The following PCDHGC5 variants were observed in gnomAD, a reference collection of about 807,000 sequenced individuals.
PCDHGC5 encodes the protein protocadherin gamma-C5.
PCDHGC5 carries 25 observed loss-of-function variants against 59.0 expected under a neutral mutation model. The observed-to-expected ratio is 0.42, with a 90% CI of 0.31 to 0.59. PCDHGC5 has a LOEUF of 0.59. Among genes scored for constraint, PCDHGC5 ranks in the 20% least tolerant of loss-of-function variants. The pLI, the probability that PCDHGC5 is intolerant of heterozygous loss-of-function variation, is 0.13. For missense variants in PCDHGC5, 1,067 were observed against 1,206.4 expected (o/e 0.88, Z 1.71); for synonymous variants, 434 against 505.5 (o/e 0.86, Z 1.90).
Position 141,511,843 on chromosome 5 carries a change from GT to G in PCDHGC5, c.*674del, listed in dbSNP as rs1413398495. On this transcript the variant is annotated 3_prime_UTR_variant, in exon 4 of 4. Coordinates refer to ENST00000252087, the MANE Select transcript of PCDHGC5 (RefSeq NM_018929.3). ...CCAACGCCCTGGGGACCAGTCTTCT[GT>G]TTTGTTTTTCATTGTTTGACGTTTC... 1 of 156,550 alleles carries G rather than the reference GT, an allele frequency of 6.4e-6. No individual in the cohort carries two copies. The highest frequency in any genetic ancestry group is 2.4e-5 in the African/African-American group (1 of 41,452). The allele number at this position is 156,550 out of a possible 1,614,324, so 9.7% of individuals were successfully genotyped here. A position where few individuals can be genotyped will look rare whatever the true frequency, so the allele number is the denominator to read the frequency against.
chr5:141,489,335 G>T lies in PCDHGC5; in HGVS notation c.95G>T (p.Arg32Leu). The change falls in exon 1 of 4, where the codon CGT becomes CTT. Residue 32 changes from arginine (R) to leucine (L), a missense_variant. Arg to Leu is a moderately radical substitution (Grantham distance 102, BLOSUM62 -2). Transcript: ENST00000252087. This position sits in a 1 kb window ranked among gnomAD's most constrained non-coding sequence, Gnocchi z 4.5. ...TGGGGCTGGGTGTCTGGGCAGCTTC[G>T]TTACTCAGTGGTGGAGGAGTCTGAG... The part of the protein sequence containing the change: ...CCWGWVSGQL[R>L]YSVVEESEPG... 1.2e-6 allele frequency: 2 copies of T among 1,607,364 alleles called. No individual in the cohort carries two copies. The highest frequency in any genetic ancestry group is 1.7e-6 in the Non-Finnish European group (2 of 1,175,842).
chr5:141,504,130 C>T (rs1334901812), intron 2 of PCDHGC5, among the ~76,000 whole-genome samples: 1 of 152,154 alleles, frequency 6.6e-6, no homozygotes, highest in African/African-American at 2.4e-5. Flanking sequence ...TGTTTCCCGC[C>T]AACACTCCCC....
intron 3 of PCDHGC5, among the ~76,000 whole-genome samples, chr5:141,510,227 C>T (rs1010123412): frequency 1.3e-5 from 2 of 150,454 alleles, no homozygotes; most frequent in African/African-American, 2.5e-5. Context: ...GAGCCGGGAT[C>T]GCGCCACTGC....
chr5:141,490,726 AATCAGG>A lies in PCDHGC5; in HGVS notation c.1487_1492del (p.Asn496_Val498delinsIle). The A allele has an allele frequency of 6.2e-7, 1 of 1,614,202 alleles. No homozygotes were observed. The highest frequency in any genetic ancestry group is 8.5e-7 in the Non-Finnish European group (1 of 1,180,032). On this transcript the variant is annotated inframe_deletion, in exon 1 of 4. Transcript: ENST00000252087. This position sits in a 1 kb window ranked among gnomAD's most constrained non-coding sequence, Gnocchi z 5.4. Reference sequence around the variant, plus strand: ...CCGCCTCACCTACTCCATTGTAGGAAATCAGGTTCAGGGAGCCCCAGCCTCCTCCTT... The same window carrying A: ...CCGCCTCACCTACTCCATTGTAGGAATTCAGGGAGCCCCAGCCTCCTCCTT...
At chr5:141,504,378 C>T (rs2099837786) in intron 2 of PCDHGC5, among the ~76,000 whole-genome samples, 1 of 152,052 alleles carries the variant, frequency 6.6e-6, no homozygotes, top group Non-Finnish European at 1.5e-5. Flanking sequence ...CAGGTGGAGT[C>T]GCTGCCTCAC....
Position 141,490,826 on chromosome 5 carries a change from T to A in PCDHGC5, c.1586T>A (p.Met529Lys), listed in dbSNP as rs1195265146. ...QRTFDYELLQ[M>K]LQIVVGVRDS... ...ACCTTTGACTATGAATTGCTGCAGA[T>A]GCTGCAGATTGTGGTGGGGGTTCGA... The change falls in exon 1 of 4, where the codon ATG becomes AAG. Residue 529 changes from methionine (M) to lysine (K), a missense_variant. Met to Lys is a moderately conservative substitution (Grantham distance 95). Coordinates refer to ENST00000252087, the MANE Select transcript of PCDHGC5 (RefSeq NM_018929.3). The surrounding 1 kb of genome is among the most constrained non-coding windows in gnomAD (Gnocchi z 5.4). 6.2e-7 allele frequency: 1 copy of A among 1,613,736 alleles called. No homozygotes were observed. The highest frequency in any genetic ancestry group is 8.5e-7 in the Non-Finnish European group (1 of 1,179,796).
intron 2 of PCDHGC5, among the ~76,000 whole-genome samples, chr5:141,504,253 G>A (rs1036263329): frequency 6.6e-6 from 1 of 152,100 alleles, no homozygotes; most frequent in Non-Finnish European, 1.5e-5. Context: ...TTCTTCTTAT[G>A]GTTTAGTATT....
intron 2 of PCDHGC5, among the ~76,000 whole-genome samples, chr5:141,496,103 C>T (rs779317844): frequency 2.0e-5 from 3 of 152,218 alleles, no homozygotes; most frequent in South Asian, 2.1e-4. Flanking sequence ...ACCAACACCC[C>T]GCTCTCTTCC....
In PCDHGC5 at chr5:141,490,004, CA is replaced by C; in HGVS notation, c.765del (p.Ile257LeufsTer21). 1 of 1,614,174 alleles carries C rather than the reference CA, an allele frequency of 6.2e-7. No individual in the cohort carries two copies. Among genetic ancestry groups the C allele is most frequent in the Admixed American group, 1.7e-5 (1 of 60,034 alleles). ...CTACGTGTGGGAATCCCAGAGAATG[CA>C]CCCATTGGTACTCTGCTGCTCCGCC... ...SVLRVGIPEN[A>X]PIGTLLLRLN... is the part of the protein sequence containing the mutation. On this transcript the variant is annotated frameshift_variant, in exon 1 of 4. Transcript: ENST00000252087. LOFTEE classifies it high-confidence loss of function. This position sits in a 1 kb window ranked among gnomAD's most constrained non-coding sequence, Gnocchi z 5.4.
intron 2 of PCDHGC5, among the ~76,000 whole-genome samples, chr5:141,504,443 A>C (rs1043353401): frequency 2.0e-5 from 3 of 152,070 alleles, no homozygotes; most frequent in African/African-American, 4.8e-5. Context: ...CAGTGTGACT[A>C]GTGCCATGTG....
At chr5:141,504,570 AC>A (rs1468526948) in intron 2 of PCDHGC5, among the ~76,000 whole-genome samples, 1 of 148,874 alleles carries the variant, frequency 6.7e-6, no homozygotes, top group Admixed American at 6.9e-5. Flanking sequence ...ATTCTAGGGA[AC>A]ACCATCTGCC....
Position 141,491,650 on chromosome 5 carries a change from G to C in PCDHGC5, c.2410G>C (p.Glu804Gln), listed in dbSNP as rs1283977913. Residue 804 changes from glutamate to glutamine, a missense_variant, in exon 1 of 4, where the codon GAG (glutamate) becomes CAG (glutamine). Coordinates refer to ENST00000252087, the MANE Select transcript of PCDHGC5 (RefSeq NM_018929.3). The surrounding 1 kb of genome is among the most constrained non-coding windows in gnomAD (Gnocchi z 6.9). ...TCAGCAGCCCACAGCTCTGGCGCTG[G>C]AGCCTGACGCCATCCGGTCCCGCTC... ...SVQQPTALAL[E>Q]PDAIRSRSNT... The C allele has an allele frequency of 6.2e-7, 1 of 1,613,876 alleles. No individual in the cohort carries two copies. The highest frequency in any genetic ancestry group is 1.7e-5 in the Admixed American group (1 of 60,034).
intron 2 of PCDHGC5, among the ~76,000 whole-genome samples, chr5:141,496,125 T>C (rs1318749514): frequency 6.8e-6 from 1 of 146,032 alleles, no homozygotes; most frequent in Non-Finnish European, 1.5e-5. Context: ...TCCCTGCCCC[T>C]CACACACTGA....
In PCDHGC5 at chr5:141,511,173, A is replaced by T. The variant is rs1384881403; in HGVS notation, c.2835A>T (p.Ter945TyrextTer31). ...AGTCGGGCAAGAAGGAGAAGAAGTA[A>T]CATGGAGGCCAGGCCAAGAGCCACA... ...KKKSGKKEKK[*>Y] Residue 945 changes from the stop codon to tyrosine, a stop_lost, in exon 4 of 4, where the codon TAA (stop) becomes TAT (tyrosine). Coordinates refer to ENST00000252087, the MANE Select transcript of PCDHGC5 (RefSeq NM_018929.3). 6.2e-7 allele frequency: 1 copy of T among 1,614,132 alleles called. No homozygotes were observed.
At position 141,491,910 on chromosome 5, in the gene PCDHGC5, G is replaced by T. The variant is rs946745903; in HGVS notation, c.2460+210G>T. On this transcript the variant is annotated intron_variant, in intron 1 of 3. Coordinates refer to ENST00000252087, the MANE Select transcript of PCDHGC5 (RefSeq NM_018929.3). This position sits in a 1 kb window ranked among gnomAD's most constrained non-coding sequence, Gnocchi z 6.9. ...GGCTCCGAGCACCGGGGGTGGTGGC[G>T]ACTGTGGGCGAGGGGAGGTGGGACC... 3.6e-6 allele frequency: 5 copies of T among 1,406,946 alleles called. No individual in the cohort carries two copies. Among genetic ancestry groups the T allele is most frequent in the Non-Finnish European group, 4.7e-6 (5 of 1,059,702 alleles). 87.2% of individuals were successfully genotyped at this position (1,406,946 alleles called of 1,614,324 possible).
chr5:141,495,642 C>T (rs1294293252), intron 2 of PCDHGC5, among the ~76,000 whole-genome samples: 1 of 152,208 alleles, frequency 6.6e-6, no homozygotes. Flanking sequence ...TTTCATTTGT[C>T]TACTTGCATT....
chr5:141,509,233 AG>A (rs1204393769), intron 3 of PCDHGC5, among the ~76,000 whole-genome samples: 1 of 152,104 alleles, frequency 6.6e-6, no homozygotes, highest in Non-Finnish European at 1.5e-5. Context: ...TTGATGTCCC[AG>A]GATTACTCAG....
chr5:141,494,807 C>A lies in PCDHGC5; in HGVS notation c.2461C>A (p.Gln821Lys), dbSNP rs568448786. Residue 821 changes from glutamine to lysine, a missense_variant and splice_region_variant, in exon 2 of 4, where the codon CAA (glutamine) becomes AAA (lysine). Coordinates refer to ENST00000252087, the MANE Select transcript of PCDHGC5 (RefSeq NM_018929.3). ...CCCTTTCCCTCTGTTTTCTCCACAGCAAGCCCCGCCCAACACGGACTGGCG... is the reference window on the plus strand; with the variant it reads ...CCCTTTCCCTCTGTTTTCTCCACAGAAAGCCCCGCCCAACACGGACTGGCG... ...RSNTLRERSQ[Q>K]APPNTDWRFS... The A allele has an allele frequency of 2.5e-5, 40 of 1,614,144 alleles. No individual in the cohort carries two copies. The South Asian group carries it at 4.0e-4, about 16-fold the overall frequency.
chr5:141,499,253 T>C (rs1189676230), intron 2 of PCDHGC5, among the ~76,000 whole-genome samples: 1 of 152,030 alleles, frequency 6.6e-6, no homozygotes, highest in Non-Finnish European at 1.5e-5. Context: ...ACAAAGAGTC[T>C]CCATTTGGTC....
Sources: gnomAD v4.1 joint callset for allele counts (sites outside exome capture counted in the v4.1 genomes callset) on GRCh38, gnomAD v4.1.1 for gene constraint, Gnocchi (gnomAD v3.1) non-coding constraint, MANE v1.5 for transcripts, NCBI Gene and HGNC (gene_info 2026-07-23, HGNC 2026-07-21) for gene names.